The following GALNT9 variants were observed in gnomAD, a reference collection of about 807,000 sequenced individuals.
GALNT9 encodes the protein polypeptide N-acetylgalactosaminyltransferase 9.
GALNT9 carries 47 observed loss-of-function variants against 63.1 expected under a neutral mutation model. The observed-to-expected ratio is 0.75, with a 90% CI of 0.59 to 0.95. The LOEUF (loss-of-function observed/expected upper bound fraction) is 0.95, where lower values mean the gene tolerates loss of function less well. Ranked by LOEUF, GALNT9 falls within the 40% of genes least tolerant of loss-of-function variation. GALNT9 has a pLI of 0.00. For missense variants in GALNT9, 829 were observed against 874.8 expected, an observed-to-expected ratio of 0.95 and a Z score of 0.66; for synonymous variants, 396 against 365.7, an observed-to-expected ratio of 1.08 and a Z score of -0.94.
intron 2 of GALNT9, chr12:132,276,541 A>G (rs1183120993): frequency 1.3e-5 from 2 of 154,804 alleles, no homozygotes; most frequent in Non-Finnish European, 2.9e-5. Context: ...GTAAATCTGC[A>G]TCTATTAGAG....
intron 7 of GALNT9, among the ~76,000 whole-genome samples, chr12:132,201,977 C>A (rs1037114725): frequency 1.3e-5 from 2 of 152,244 alleles, no homozygotes; most frequent in Non-Finnish European, 2.9e-5. Flanking sequence ...GCCCAGGGAC[C>A]CTCCAGGCTC....
intron 6 of GALNT9, among the ~76,000 whole-genome samples, chr12:132,221,658 C>CAAAAAAAAAAAAA (rs761220333): frequency 2.5e-5 from 2 of 79,632 alleles, no homozygotes; most frequent in Non-Finnish European, 4.4e-5. Context: ...GAGACGTTCT[C>CAAAAAAAAAAAAA]AAAAAAAAAA....
intron 4 of GALNT9, among the ~76,000 whole-genome samples, chr12:132,259,813 C>T (rs1593089625): frequency 1.3e-5 from 2 of 152,148 alleles, no homozygotes; most frequent in East Asian, 1.9e-4. Context: ...TGACAACAGC[C>T]CATATTTCCC....
chr12:132,217,046 T>C (rs1382479654), intron 6 of GALNT9, among the ~76,000 whole-genome samples: 2 of 152,188 alleles, frequency 1.3e-5, no homozygotes, highest in African/African-American at 4.8e-5. Flanking sequence ...TGGCCACCAT[T>C]TGCTCAAGCC....
intron 1 of GALNT9, among the ~76,000 whole-genome samples, chr12:132,317,901 C>T (rs540167211): frequency 2.6e-5 from 4 of 152,328 alleles, no homozygotes; most frequent in South Asian, 4.1e-4. Flanking sequence ...TCCACAGGGT[C>T]GAGGATGGCG....
At chr12:132,197,407 C>T (rs565486980) in intron 10 of GALNT9, among the ~76,000 whole-genome samples, 154 bp from the exon 11 acceptor site, 8 of 150,052 alleles carry the variant, frequency 5.3e-5, no homozygotes, top group African/African-American at 1.0e-4. Context: ...CCAGGGGGGC[C>T]GGGAAGGGGC....
At chr12:132,271,802 G>A (rs1879876526) in intron 2 of GALNT9, among the ~76,000 whole-genome samples, 1 of 152,092 alleles carries the variant, frequency 6.6e-6, no homozygotes, top group African/African-American at 2.4e-5. Context: ...CACAGAACGT[G>A]CAGGGAGGCT....
chr12:132,303,961 G>A (rs1417594228), intron 1 of GALNT9, among the ~76,000 whole-genome samples: 3 of 28,062 alleles, frequency 1.1e-4, no homozygotes, highest in African/African-American at 2.9e-4. Context: ...CCTCACCTGG[G>A]CACAGCCTCA....
chr12:132,257,005 C>G (rs79362758), intron 5 of GALNT9, among the ~76,000 whole-genome samples: 5 of 151,914 alleles, frequency 3.3e-5, no homozygotes, highest in South Asian at 2.1e-4. Context: ...GAACGGGGGG[C>G]TTCAGCAGCT....
At chr12:132,293,970 A>C (rs1555243007) in intron 1 of GALNT9, among the ~76,000 whole-genome samples, 1 of 152,246 alleles carries the variant, frequency 6.6e-6, no homozygotes, top group East Asian at 1.9e-4. Context: ...TGTTTGACCA[A>C]AGATCTTGCC....
chr12:132,257,643 T>C, intron 5 of GALNT9, 46 bp downstream of exon 5: 1 of 1,456,416 alleles, frequency 6.9e-7, no homozygotes, highest in Non-Finnish European at 9.3e-7. Context: ...TCTGCTCCGC[T>C]CCTTGCCGGG....
At chr12:132,218,312 G>A (rs1055456611) in intron 6 of GALNT9, among the ~76,000 whole-genome samples, 12 of 152,070 alleles carry the variant, frequency 7.9e-5, no homozygotes, top group African/African-American at 2.9e-4. Flanking sequence ...AGAGGTCCAG[G>A]CTGACGCGGA....
rs538806768 is a variant in GALNT9 at position 132,200,189 on chromosome 12, G to A, written c.1402-920C>T. Among the ~76,000 whole-genome samples the A allele has an allele frequency of 5.9e-5, 9 of 152,330 alleles. No individual in the cohort carries two copies. The South Asian group carries it at 1.0e-3, about 18-fold the overall frequency. On this transcript the variant is annotated intron_variant, in intron 8 of 10. Coordinates refer to ENST00000328957, the MANE Select transcript of GALNT9 (RefSeq NM_001122636.2). Reference sequence around the variant, plus strand: ...GGAGCTGCAGGAGGGGAGGCTCAGCGAGGACCATCCACCCCAGGGACCCTT... The same window carrying A: ...GGAGCTGCAGGAGGGGAGGCTCAGCAAGGACCATCCACCCCAGGGACCCTT...
At chr12:132,240,423 T>C in intron 6 of GALNT9, 1 of 356,388 alleles carries the variant, frequency 2.8e-6, no homozygotes, top group Non-Finnish European at 5.5e-6. Context: ...CCTCCACTTG[T>C]TCAGCGCAGA....
chr12:132,230,298 T>C (rs978162375), intron 6 of GALNT9, among the ~76,000 whole-genome samples: 10 of 152,168 alleles, frequency 6.6e-5, no homozygotes, highest in Non-Finnish European at 1.5e-4. Flanking sequence ...GCATCCGCCT[T>C]CCCGAGTTCC....
Position 132,310,362 on chromosome 12 carries a change from A to G in GALNT9, c.238+18604T>C, listed in dbSNP as rs1881769412. ...AGGGACTCTGAGTTCCCTCACCCAGAGGAGCCGGGGCTGAGTGCCAGGAGT... is the reference window on the plus strand; with the variant it reads ...AGGGACTCTGAGTTCCCTCACCCAGGGGAGCCGGGGCTGAGTGCCAGGAGT... On this transcript the variant is annotated intron_variant, in intron 1 of 10. Transcript: ENST00000328957. This position sits in a 1 kb window ranked among gnomAD's most constrained non-coding sequence, Gnocchi z 4.8. 6.6e-6 allele frequency among the ~76,000 whole-genome samples: 1 copy of G among 152,234 alleles called. No homozygotes were observed. Among genetic ancestry groups the G allele is most frequent in the Non-Finnish European group, 1.5e-5 (1 of 68,038 alleles).
chr12:132,197,132 T>C lies in GALNT9; in HGVS notation c.1787A>G (p.Asn596Ser), dbSNP rs776463679. The C allele has an allele frequency of 6.2e-7, 1 of 1,614,148 alleles. No individual in the cohort carries two copies. The highest frequency in any genetic ancestry group is 8.5e-7 in the Non-Finnish European group (1 of 1,180,006). ...TCAGTGCCGTGCGTGTTTGATCCAG[T>C]TTCTGATCATCCACTTCTGCCCCGA... The part of the protein sequence containing the change: ...RCSGQKWMIR[N>S]WIKHARH Residue 596 changes from asparagine to serine, a missense_variant, in exon 11 of 11, where the codon AAC becomes AGC. Physicochemically the swap from Asn to Ser is conservative, Grantham distance 46. Coordinates refer to ENST00000328957, the MANE Select transcript of GALNT9 (RefSeq NM_001122636.2).
intron 6 of GALNT9, among the ~76,000 whole-genome samples, chr12:132,228,648 TGGGGTCTCGAG>T (rs1877790892): frequency 1.3e-5 from 2 of 150,644 alleles, no homozygotes; most frequent in African/African-American, 4.9e-5. Flanking sequence ...CCCAGCGGAG[TGGGGTCTCGAG>T]GGTCCAGGAG....
chr12:132,224,584 ACC>A (rs1877568597), intron 6 of GALNT9, among the ~76,000 whole-genome samples: 10 of 37,090 alleles, frequency 2.7e-4, no homozygotes, highest in Non-Finnish European at 4.7e-4. Flanking sequence ...ACACACACAC[ACC>A]ACACAACCCA....
Sources: gnomAD v4.1 joint callset for allele counts (sites outside exome capture counted in the v4.1 genomes callset) on GRCh38, gnomAD v4.1.1 for gene constraint, Gnocchi (gnomAD v3.1) non-coding constraint, MANE v1.5 for transcripts, NCBI Gene and HGNC (gene_info 2026-07-23, HGNC 2026-07-21) for gene names.